TTLL7: variants seen among roughly 807,000 people sequenced by gnomAD.
TTLL7 encodes tubulin polyglutamylase TTLL7.
A neutral mutation model predicts 120.2 loss-of-function variants in TTLL7; 53 were observed. The ratio of observed to expected loss-of-function variants is 0.44; its 90% CI spans 0.35 to 0.55. The LOEUF is 0.55. Ranked by LOEUF, TTLL7 falls within the 20% of genes least tolerant of loss-of-function variation. The pLI, the probability that TTLL7 is intolerant of heterozygous loss-of-function variation, is 0.00. For missense variants in TTLL7, 803 were observed against 1,054.7 expected, an observed-to-expected ratio of 0.76 and a Z score of 3.31; for synonymous variants, 353 against 351.7, an observed-to-expected ratio of 1.00 and a Z score of -0.04.
chr1:83,882,060 G>A (rs1195320640), intron 20 of TTLL7, among the ~76,000 whole-genome samples: 2 of 133,580 alleles, frequency 1.5e-5, no homozygotes, highest in Non-Finnish European at 3.1e-5. Flanking sequence ...GACACAGGAA[G>A]GGGAACATCA....
chr1:83,911,088 A>AG, intron 15 of TTLL7, 77 bp downstream of exon 15: 1 of 1,261,708 alleles, frequency 7.9e-7, no homozygotes, highest in East Asian at 2.3e-5. Flanking sequence ...ATTTGGCCCA[A>AG]GGACCTTTTA....
chr1:83,892,957 AT>A (rs1655896811), intron 18 of TTLL7, among the ~76,000 whole-genome samples: 1 of 144,648 alleles, frequency 6.9e-6, no homozygotes, highest in African/African-American at 2.6e-5. Context: ...AAAGAAAAGA[AT>A]AAAAGAAAGA....
rs530431855 is a variant in TTLL7 at position 83,914,726 on chromosome 1, C to G, written c.1587+2878G>C. ...GAAGCCATCCACATGCTACCAATCC[C>G]TTTCTTCTCTATGGGGCTGTAGCAC... On this transcript the variant is annotated intron_variant, in intron 14 of 20. Transcript: ENST00000260505. Among the ~76,000 whole-genome samples the G allele has an allele frequency of 2.6e-5, 4 of 152,256 alleles. No homozygotes were observed. The East Asian group carries it at 7.7e-4, about 29-fold the overall frequency.
chr1:83,947,743 T>C (rs1323237686), intron 5 of TTLL7: 1 of 152,318 alleles, frequency 6.6e-6, no homozygotes, highest in East Asian at 1.9e-4. Context: ...TAGGGAATTA[T>C]TCAGGCAAAT....
At chr1:83,954,938 T>C (rs1281678614) in intron 1 of TTLL7, among the ~76,000 whole-genome samples, 1 of 151,106 alleles carries the variant, frequency 6.6e-6, no homozygotes, top group Non-Finnish European at 1.5e-5. Context: ...ACAGAATTTA[T>C]TTACAAAAGG....
chr1:83,946,985 T>A (rs1648567333), intron 6 of TTLL7, 139 bp downstream of exon 6: 2 of 616,692 alleles, frequency 3.2e-6, no homozygotes, highest in Non-Finnish European at 5.0e-6. Context: ...AAATATTTGG[T>A]TCCAAAACTA....
intron 15 of TTLL7, among the ~76,000 whole-genome samples, chr1:83,909,794 T>A (rs1314107384): frequency 6.6e-6 from 1 of 151,922 alleles, no homozygotes; most frequent in Non-Finnish European, 1.5e-5. Flanking sequence ...CCTGTCCTCA[T>A]CCCCCATCAG....
rs1478263340 is a variant in TTLL7 at position 83,942,631 on chromosome 1, C to A, written c.555G>T (p.Leu185Phe). Residue 185 changes from leucine to phenylalanine, a missense_variant, in exon 7 of 21, where the codon TTG becomes TTT. By Grantham distance (22) the Leu-to-Phe change is conservative. Coordinates refer to ENST00000260505, the MANE Select transcript of TTLL7 (RefSeq NM_024686.6). ...GCTTTTCAATGTATTCTTGAACAAT[C>A]AAATGATCCTGAGATGGAAGTTTGT... ...NGDKLPSQDH[L>F]IVQEYIEKPF... The A allele has an allele frequency of 1.9e-6, 3 of 1,613,652 alleles. No homozygotes were observed. Among genetic ancestry groups the A allele is most frequent in the African/African-American group, 2.7e-5 (2 of 74,914 alleles).
intron 1 of TTLL7, among the ~76,000 whole-genome samples, chr1:83,985,903 A>G (rs1324686794): frequency 6.6e-6 from 1 of 152,238 alleles, no homozygotes; most frequent in East Asian, 1.9e-4. Flanking sequence ...TACTAAAGAA[A>G]TAATTCTGAT....
At chr1:83,905,359 G>GT (rs1225130599) in intron 17 of TTLL7, among the ~76,000 whole-genome samples, 4 of 151,532 alleles carry the variant, frequency 2.6e-5, no homozygotes, top group African/African-American at 9.7e-5. Context: ...AGTTATGGGT[G>GT]TTTTTTAGCA....
At chr1:83,995,182 T>G (rs1653371019) in intron 1 of TTLL7, among the ~76,000 whole-genome samples, 1 of 152,026 alleles carries the variant, frequency 6.6e-6, no homozygotes, top group African/African-American at 2.4e-5. Flanking sequence ...CAGACAAGAT[T>G]GGGTGTTATG....
At chr1:83,897,560 T>C (rs1295745393) in intron 18 of TTLL7, among the ~76,000 whole-genome samples, 1 of 152,064 alleles carries the variant, frequency 6.6e-6, no homozygotes, top group Non-Finnish European at 1.5e-5. Context: ...CCACTGGGGA[T>C]CCACTGCAAT....
chr1:83,979,927 T>C (rs1651808028), intron 1 of TTLL7: 1 of 152,338 alleles, frequency 6.6e-6, no homozygotes, highest in Admixed American at 6.5e-5. Flanking sequence ...ACTCGAAAGA[T>C]TTTTTAAAAT....
At position 83,865,660 on chromosome 1, in the gene TTLL7, G is replaced by A. The variant is rs776975262; in HGVS notation, c.*4302C>T. On this transcript the variant is annotated 3_prime_UTR_variant, in exon 21 of 21. Transcript: ENST00000260505. ...CTTTATATGTATCCAGACAATAAAC[G>A]CTTTTTTAGGCATAGAGGCTTCAAC... 3 of 151,856 alleles carry A rather than the reference G, an allele frequency of 2.0e-5. No individual in the cohort carries two copies. Among genetic ancestry groups the A allele is most frequent in the Non-Finnish European group, 2.9e-5 (2 of 67,868 alleles). The allele number at this position is 151,856 out of a possible 1,614,324, so 9.4% of individuals were successfully genotyped here.
chr1:83,915,508 T>C (rs375788625), intron 14 of TTLL7, among the ~76,000 whole-genome samples: 9 of 152,072 alleles, frequency 5.9e-5, no homozygotes, highest in Admixed American at 3.3e-4. Flanking sequence ...GGATTAAAGA[T>C]TTAAATGTTA....
At chr1:83,968,033 C>T (rs935948200) in intron 1 of TTLL7, among the ~76,000 whole-genome samples, 1 of 152,050 alleles carries the variant, frequency 6.6e-6, no homozygotes, top group Non-Finnish European at 1.5e-5. Context: ...CCACCACCCT[C>T]CAGCTCCATT....
rs1463718609 is a variant in TTLL7 at position 83,987,508 on chromosome 1, A to G, written c.-177+11423T>C. Among the ~76,000 whole-genome samples, 6 of 152,330 alleles carry G rather than the reference A, an allele frequency of 3.9e-5. No homozygotes were observed. In the South Asian group the frequency reaches 6.2e-4, roughly 16 times the overall value. ...CACAGAGACAAATTCCATTGAAATTAATTTCAATTTGTAAAATAATTATGG... is the reference window on the plus strand; with the variant it reads ...CACAGAGACAAATTCCATTGAAATTGATTTCAATTTGTAAAATAATTATGG... On this transcript the variant is annotated intron_variant, in intron 1 of 20. Transcript: ENST00000260505.
chr1:83,917,099 CAA>C (rs540546625), intron 14 of TTLL7, among the ~76,000 whole-genome samples: 24 of 81,240 alleles, frequency 3.0e-4, no homozygotes, highest in Admixed American at 4.2e-4. Context: ...ACCCTGTTAT[CAA>C]AAAAAAAAAA....
chr1:83,892,268 G>A (rs1305195591), intron 18 of TTLL7, among the ~76,000 whole-genome samples: 6 of 96,828 alleles, frequency 6.2e-5, no homozygotes, highest in Admixed American at 3.6e-4. Context: ...ATATATATAC[G>A]AATATATATG....
Sources: allele counts gnomAD v4.1 joint callset (sites outside exome capture counted in the v4.1 genomes callset), GRCh38; gene constraint gnomAD v4.1.1; transcripts MANE v1.5; gene names NCBI Gene and HGNC (gene_info 2026-07-23, HGNC 2026-07-21).